PTPN5: variants seen among roughly 807,000 people sequenced by gnomAD.
PTPN5 encodes protein tyrosine phosphatase non-receptor type 5.
A neutral mutation model predicts 73.9 loss-of-function variants in PTPN5; 29 were observed. The ratio of observed to expected loss-of-function variants is 0.39; its 90% CI spans 0.29 to 0.54. The LOEUF (loss-of-function observed/expected upper bound fraction) is 0.54, where lower values mean the gene tolerates loss of function less well. Among genes scored for constraint, PTPN5 ranks in the 20% least tolerant of loss-of-function variants. The pLI, the probability that PTPN5 is intolerant of heterozygous loss-of-function variation, is 0.65. For missense variants in PTPN5, 652 were observed against 751.4 expected (o/e 0.87, Z 1.55); for synonymous variants, 267 against 304.7 (o/e 0.88, Z 1.29).
chr11:18,791,852 C>A (rs566846063), upstream of PTPN5: 1 of 152,204 alleles, frequency 6.6e-6, no homozygotes, highest in East Asian at 2.0e-4. Context: ...CTCCGCCCCG[C>A]CCCCGGGCGG....
intron 12 of PTPN5, chr11:18,730,168 A>G: frequency 2.2e-6 from 1 of 461,680 alleles, no homozygotes; most frequent in Non-Finnish European, 3.8e-6. Context: ...TTTGTCACAT[A>G]ACCCAGCCCC....
intron 1 of PTPN5, among the ~76,000 whole-genome samples, chr11:18,782,223 A>C (rs1851466765): frequency 1.3e-5 from 2 of 151,880 alleles, no homozygotes; most frequent in South Asian, 4.2e-4. Flanking sequence ...GGATCTCAAA[A>C]ACTATGTCTT....
chr11:18,771,673 G>A (rs2134320395), intron 2 of PTPN5, among the ~76,000 whole-genome samples: 1 of 152,252 alleles, frequency 6.6e-6, no homozygotes, highest in Middle Eastern at 3.4e-3. Context: ...TAGCTTTAGG[G>A]GCTCTAGGAA....
intron 1 of PTPN5, among the ~76,000 whole-genome samples, chr11:18,775,092 C>A (rs921438510): frequency 6.6e-6 from 1 of 152,264 alleles, no homozygotes; most frequent in East Asian, 1.9e-4. Flanking sequence ...CCTGGAGGAA[C>A]GTACTAACGT....
Position 18,742,452 on chromosome 11 carries a change from C to T in PTPN5, c.535G>A (p.Glu179Lys). The T allele has an allele frequency of 8.7e-6, 14 of 1,614,096 alleles. No homozygotes were observed. The highest frequency in any genetic ancestry group is 1.2e-5 in the Non-Finnish European group (14 of 1,180,022). Residue 179 changes from glutamate to lysine, a missense_variant, in exon 7 of 15, where the codon GAG becomes AAG. Glu to Lys is a moderately conservative substitution (Grantham distance 56). Around this residue, in one of 3 missense-constraint regions of PTPN5, gnomAD observed 529 missense variants for 573.9 expected, o/e 0.92. Coordinates refer to ENST00000358540, the MANE Select transcript of PTPN5 (RefSeq NM_006906.2). The surrounding 1 kb of genome is among the most constrained non-coding windows in gnomAD (Gnocchi z 4.1). ...CGGCTCACTGACTGGCGCCTGTCCT[C>T]AGGGGGCAGTGGGGTGGGTGGCTCT... ...PPEPPTPLPPEDRRQSVSRQP... is the reference protein window; with the variant it reads ...PPEPPTPLPPKDRRQSVSRQP...
At chr11:18,787,596 C>A (rs1396920614) in intron 1 of PTPN5, among the ~76,000 whole-genome samples, 1 of 152,178 alleles carries the variant, frequency 6.6e-6, no homozygotes, top group Non-Finnish European at 1.5e-5. Context: ...TACCCCAGGG[C>A]CTCTGCACCT....
chr11:18,782,675 G>A (rs1030603683), intron 1 of PTPN5, among the ~76,000 whole-genome samples: 3 of 152,210 alleles, frequency 2.0e-5, no homozygotes, highest in Non-Finnish European at 2.9e-5. Context: ...AATCTTCTGA[G>A]TCTTGCTCTT....
chr11:18,741,741 G>A (rs1199976264), intron 7 of PTPN5, among the ~76,000 whole-genome samples: 3 of 152,188 alleles, frequency 2.0e-5, no homozygotes, highest in Non-Finnish European at 1.5e-5. Context: ...AGGCGGGCAA[G>A]GGATGAAAAA....
chr11:18,788,621 C>T (rs1394825724), intron 1 of PTPN5, among the ~76,000 whole-genome samples: 7 of 152,154 alleles, frequency 4.6e-5, no homozygotes, highest in South Asian at 2.1e-4. Flanking sequence ...TCCAAGAAGC[C>T]GTTACTGACC....
intron 1 of PTPN5, among the ~76,000 whole-genome samples, chr11:18,789,197 C>A (rs994962537): frequency 6.6e-6 from 1 of 152,140 alleles, no homozygotes; most frequent in African/African-American, 2.4e-5. Flanking sequence ...GCTACCAATT[C>A]CTGAGCATTT....
intron 3 of PTPN5, chr11:18,749,478 C>T (rs768510832): frequency 6.0e-5 from 9 of 149,010 alleles, no homozygotes; most frequent in Non-Finnish European, 9.3e-5. Context: ...TGTCTGGGGT[C>T]GGGGGAGGGT....
In PTPN5 at chr11:18,776,131, G is replaced by A. The variant is rs541982044; in HGVS notation, c.-113-4060C>T. Reference sequence around the variant, plus strand: ...CATTCTGCTCCCTCTCCCTGCACCTGCCCCCAGGTATGCAGTTTAATTTAC... The same window carrying A: ...CATTCTGCTCCCTCTCCCTGCACCTACCCCCAGGTATGCAGTTTAATTTAC... On this transcript the variant is annotated intron_variant, in intron 1 of 14. Coordinates refer to ENST00000358540, the MANE Select transcript of PTPN5 (RefSeq NM_006906.2). Among the ~76,000 whole-genome samples the A allele has an allele frequency of 5.3e-5, 8 of 152,274 alleles. 1 individual carries two copies. In the South Asian group the frequency reaches 1.7e-3, roughly 32 times the overall value.
At chr11:18,756,328 A>C (rs1382089912) in intron 3 of PTPN5, among the ~76,000 whole-genome samples, 4 of 122,900 alleles carry the variant, frequency 3.3e-5, no homozygotes, top group Admixed American at 1.0e-4. Flanking sequence ...ACAGATTCTC[A>C]CTCCGTCACC....
intron 1 of PTPN5, among the ~76,000 whole-genome samples, chr11:18,774,976 C>T (rs144165028): frequency 1.2e-3 from 180 of 152,300 alleles, no homozygotes; most frequent in African/African-American, 4.2e-3. Context: ...ATAACAATGA[C>T]AGTATCTTCA....
chr11:18,729,602 G>T lies in PTPN5; in HGVS notation c.1491-36C>A. ...AGGGGACCGGTGGGGTGAGGGGCAGGGCAGCCCAGCGGGTGGGGGGCTGCC... is the reference window on the plus strand; with the variant it reads ...AGGGGACCGGTGGGGTGAGGGGCAGTGCAGCCCAGCGGGTGGGGGGCTGCC... On this transcript the variant is annotated intron_variant, in intron 13 of 14. Coordinates refer to ENST00000358540, the MANE Select transcript of PTPN5 (RefSeq NM_006906.2). This position sits in a 1 kb window ranked among gnomAD's most constrained non-coding sequence, Gnocchi z 5.2. The T allele has an allele frequency of 6.4e-7, 1 of 1,570,016 alleles. No homozygotes were observed. Among genetic ancestry groups the T allele is most frequent in the Non-Finnish European group, 8.7e-7 (1 of 1,155,668 alleles).
chr11:18,780,045 G>T (rs1347512252), intron 1 of PTPN5, among the ~76,000 whole-genome samples: 2 of 152,146 alleles, frequency 1.3e-5, no homozygotes, highest in African/African-American at 4.8e-5. Flanking sequence ...TTCACTTCCT[G>T]TCTCCCTCCA....
intron 1 of PTPN5, among the ~76,000 whole-genome samples, chr11:18,776,668 G>T (rs1292273787): frequency 1.3e-5 from 2 of 152,136 alleles, no homozygotes; most frequent in Admixed American, 6.5e-5. Context: ...CCTGCTCAAG[G>T]TCATATAGTT....
chr11:18,746,922 T>C (rs868132298), intron 3 of PTPN5, among the ~76,000 whole-genome samples: 2 of 152,198 alleles, frequency 1.3e-5, no homozygotes, highest in South Asian at 2.1e-4. Flanking sequence ...ATGCCAAATA[T>C]GGAACGGTGG....
chr11:18,740,754 G>C lies in PTPN5; in HGVS notation c.764C>G (p.Thr255Ser). 5 of 1,594,268 alleles carry C rather than the reference G, an allele frequency of 3.1e-6. No individual in the cohort carries two copies. Among genetic ancestry groups the C allele is most frequent in the Non-Finnish European group, 4.3e-6 (5 of 1,168,726 alleles). ...AAAGCCCTCCTCGTTGCAGCCCGGA[G>C]TGCACATGTCCAGGGTCAGGGAGAC... ...SNVSLTLDMC[T>S]PGCNEEGFGY... Residue 255 changes from threonine (T) to serine (S), a missense_variant, in exon 8 of 15, where the codon ACT becomes AGT. Around this residue, in one of 3 missense-constraint regions of PTPN5, gnomAD observed 529 missense variants for 573.9 expected, o/e 0.92. Transcript: ENST00000358540.
Sources: gnomAD v4.1 joint callset for allele counts (sites outside exome capture counted in the v4.1 genomes callset) on GRCh38, gnomAD v4.1.1 for gene constraint, gnomAD v4.1.1 regional missense constraint, Gnocchi (gnomAD v3.1) non-coding constraint, MANE v1.5 for transcripts, NCBI Gene and HGNC (gene_info 2026-07-23, HGNC 2026-07-21) for gene names.